Variants in MALRD1 observed in about 807,000 individuals in gnomAD.
MALRD1 encodes the protein MAM and LDL-receptor class A domain-containing protein 1.
Under a neutral mutation model 242.1 loss-of-function variants are expected in MALRD1, and 247 were observed. The ratio of observed to expected loss-of-function variants is 1.02; its 90% CI spans 0.92 to 1.13. MALRD1 has a LOEUF of 1.13. Ranked by LOEUF, MALRD1 falls within the 50% of genes most tolerant of loss-of-function variation. The pLI is 0.00. For missense variants in MALRD1, 2,989 were observed against 2,533.1 expected (o/e 1.18, Z -3.86); for synonymous variants, 995 against 866.6 (o/e 1.15, Z -2.60).
intron 5 of MALRD1, among the ~76,000 whole-genome samples, chr10:19,109,992 CCT>C (rs1216085686): frequency 6.6e-6 from 1 of 152,170 alleles, no homozygotes; most frequent in Non-Finnish European, 1.5e-5. Context: ...TGATTCTGAA[CCT>C]CTCCCAACTG....
intron 31 of MALRD1, among the ~76,000 whole-genome samples, chr10:19,526,615 G>A (rs1395803519): frequency 6.6e-6 from 1 of 152,032 alleles, no homozygotes; most frequent in Non-Finnish European, 1.5e-5. Context: ...CCAAAATTGA[G>A]TATGCAAATT....
chr10:19,211,238 CAT>C (rs1385523773), intron 18 of MALRD1, among the ~76,000 whole-genome samples: 1 of 152,088 alleles, frequency 6.6e-6, no homozygotes, highest in Non-Finnish European at 1.5e-5. Flanking sequence ...GAACCTCAAA[CAT>C]GAAACTTGAG....
chr10:19,563,434 C>G (rs192594645), intron 32 of MALRD1, among the ~76,000 whole-genome samples: 320 of 152,276 alleles, frequency 2.1e-3, no homozygotes, highest in African/African-American at 7.2e-3. Flanking sequence ...TAACTCACTT[C>G]ATTGCTTTGC....
intron 21 of MALRD1, among the ~76,000 whole-genome samples, chr10:19,305,962 A>G (rs1842155170): frequency 8.0e-6 from 1 of 124,320 alleles, no homozygotes; most frequent in Non-Finnish European, 1.6e-5. Flanking sequence ...TATATATACT[A>G]TATATACTAT....
chr10:19,287,591 A>G (rs1315560394), intron 21 of MALRD1, among the ~76,000 whole-genome samples: 4 of 152,126 alleles, frequency 2.6e-5, no homozygotes, highest in Admixed American at 2.0e-4. Context: ...CTTTTCCTCA[A>G]TATCAGTTGC....
chr10:19,402,337 T>C (rs1846895661), intron 28 of MALRD1, among the ~76,000 whole-genome samples: 1 of 152,110 alleles, frequency 6.6e-6, no homozygotes, highest in Non-Finnish European at 1.5e-5. Context: ...ATAATCCCCA[T>C]GTGTCAATAA....
At chr10:19,345,310 C>A (rs1300712756) in intron 24 of MALRD1, among the ~76,000 whole-genome samples, 1 of 152,038 alleles carries the variant, frequency 6.6e-6, no homozygotes, top group Non-Finnish European at 1.5e-5. Context: ...GTACAAATGG[C>A]CTCTCTAGAT....
chr10:19,131,141 C>G (rs769300846), intron 8 of MALRD1, among the ~76,000 whole-genome samples: 1 of 152,048 alleles, frequency 6.6e-6, no homozygotes, highest in Non-Finnish European at 1.5e-5. Context: ...AGTCCCAAGT[C>G]AATGTTTTAT....
rs552981389 is a variant in MALRD1, at chr10:19,516,517, G to T, written c.5321-14677G>T. 2.0e-5 allele frequency among the ~76,000 whole-genome samples: 3 copies of T among 152,056 alleles called. No homozygotes were observed. The South Asian group carries it at 6.2e-4, about 32-fold the overall frequency. On this transcript the variant is annotated intron_variant, in intron 31 of 39. Coordinates refer to ENST00000454679, the MANE Select transcript of MALRD1 (RefSeq NM_001142308.3). ...TAGAGTCAAATTCTTTTTCTTGTCCGTGGAACAAGATTGCTTTCCTAGATG... is the reference window on the plus strand; with the variant it reads ...TAGAGTCAAATTCTTTTTCTTGTCCTTGGAACAAGATTGCTTTCCTAGATG...
At chr10:19,594,047 C>G (rs1436511412) in intron 33 of MALRD1, among the ~76,000 whole-genome samples, 1 of 152,148 alleles carries the variant, frequency 6.6e-6, no homozygotes, top group Non-Finnish European at 1.5e-5. Context: ...GCCAGGGTCT[C>G]AAGAGCCAGA....
At chr10:19,581,342 T>C (rs1184044220) in intron 33 of MALRD1, among the ~76,000 whole-genome samples, 4 of 148,692 alleles carry the variant, frequency 2.7e-5, no homozygotes, top group African/African-American at 9.9e-5. Context: ...TAGCATTAGG[T>C]ATATCTCCCA....
chr10:19,470,133 A>G (rs1270162238), intron 29 of MALRD1, among the ~76,000 whole-genome samples: 3 of 152,010 alleles, frequency 2.0e-5, no homozygotes. Flanking sequence ...GACTCTGGCA[A>G]TCACCATTCT....
chr10:19,473,128 A>C, intron 29 of MALRD1, among the ~76,000 whole-genome samples: 1 of 45,310 alleles, frequency 2.2e-5, no homozygotes, highest in South Asian at 7.1e-4. Flanking sequence ...TTTATCCTCA[A>C]CTTAAATTTT....
At chr10:19,353,756 T>C (rs1423512732) in intron 26 of MALRD1, among the ~76,000 whole-genome samples, 1 of 152,230 alleles carries the variant, frequency 6.6e-6, no homozygotes, top group Non-Finnish European at 1.5e-5. Flanking sequence ...GGATGTTTGA[T>C]GGCAGATATA....
intron 36 of MALRD1, among the ~76,000 whole-genome samples, chr10:19,649,007 T>C (rs1242494859): frequency 6.6e-6 from 1 of 152,220 alleles, no homozygotes; most frequent in Non-Finnish European, 1.5e-5. Flanking sequence ...TTCCTGTTCC[T>C]GCGTTAGTTT....
chr10:19,105,443 C>G (rs149809725), intron 5 of MALRD1, among the ~76,000 whole-genome samples: 2 of 152,008 alleles, frequency 1.3e-5, no homozygotes, highest in Admixed American at 1.3e-4. Flanking sequence ...GATTTCATAT[C>G]TTGGCTATTG....
intron 28 of MALRD1, among the ~76,000 whole-genome samples, chr10:19,400,342 A>T (rs12414954): frequency 0.12 from 17,495 of 152,112 alleles, 1,191 homozygotes; most frequent in East Asian, 0.24. Flanking sequence ...GGTTCATGGA[A>T]TGAGTTTGAA....
At chr10:19,112,844 C>T (rs934277271) in intron 5 of MALRD1, among the ~76,000 whole-genome samples, 1 of 152,262 alleles carries the variant, frequency 6.6e-6, no homozygotes. Flanking sequence ...GAAGTAAACT[C>T]CAATTTTCTT....
chr10:19,435,438 C>A (rs1834315751), intron 28 of MALRD1, among the ~76,000 whole-genome samples: 1 of 152,114 alleles, frequency 6.6e-6, no homozygotes, highest in Non-Finnish European at 1.5e-5. Context: ...AGTACTCAGG[C>A]CTTCCTAGCC....
Sources: gnomAD v4.1 joint callset for allele counts (sites outside exome capture counted in the v4.1 genomes callset) on GRCh38, gnomAD v4.1.1 for gene constraint, MANE v1.5 for transcripts, NCBI Gene and HGNC (gene_info 2026-07-23, HGNC 2026-07-21) for gene names.